The following PCBP3 variants were observed in gnomAD, a reference collection of about 807,000 sequenced individuals.
The protein encoded by PCBP3 is poly(rC) binding protein 3.
PCBP3 carries 25 observed loss-of-function variants against 52.7 expected under a neutral mutation model. The observed-to-expected ratio is 0.47, with a 90% CI of 0.35 to 0.66. The LOEUF is 0.66. Ranked by LOEUF, PCBP3 falls within the 30% of genes least tolerant of loss-of-function variation. The pLI is 0.01. For missense variants in PCBP3, 391 were observed against 490.3 expected, an observed-to-expected ratio of 0.80 and a Z score of 1.91; for synonymous variants, 162 against 183.0, an observed-to-expected ratio of 0.89 and a Z score of 0.93.
chr21:45,708,868 TC>T (rs2083634136), intron 2 of PCBP3, among the ~76,000 whole-genome samples: 4 of 152,240 alleles, frequency 2.6e-5, no homozygotes, highest in Admixed American at 6.5e-5. Flanking sequence ...TGTCCAGTTG[TC>T]CAGAAAGCTC....
chr21:45,867,528 C>G (rs2094793951), intron 5 of PCBP3, among the ~76,000 whole-genome samples: 1 of 152,230 alleles, frequency 6.6e-6, no homozygotes, highest in Non-Finnish European at 1.5e-5. Context: ...GTTATACATG[C>G]AAATATCCTT....
intron 2 of PCBP3, among the ~76,000 whole-genome samples, chr21:45,703,548 A>T (rs1209468139): frequency 2.0e-5 from 3 of 152,154 alleles, no homozygotes; most frequent in Non-Finnish European, 4.4e-5. Flanking sequence ...TTGGTCTTGA[A>T]GGGCCTTGGA....
chr21:45,678,197 T>G (rs532291362), intron 2 of PCBP3, among the ~76,000 whole-genome samples: 58 of 151,274 alleles, frequency 3.8e-4, no homozygotes, highest in African/African-American at 1.4e-3. Flanking sequence ...AAAAAATTAC[T>G]CGGGAGGCTG....
chr21:45,913,817 C>T (rs1396250777), intron 11 of PCBP3, 134 bp from the exon 12 acceptor site: 19 of 788,530 alleles, frequency 2.4e-5, no homozygotes, highest in Non-Finnish European at 3.7e-5. Context: ...AGCACTGCTG[C>T]GAAACTCGGG....
intron 1 of PCBP3, among the ~76,000 whole-genome samples, chr21:45,657,500 G>A (rs1185321768): frequency 1.3e-5 from 2 of 152,156 alleles, no homozygotes; most frequent in East Asian, 1.9e-4. Context: ...CTATTCCATG[G>A]ACCTATATGT....
At chr21:45,690,319 A>G (rs2082384221) in intron 2 of PCBP3, among the ~76,000 whole-genome samples, 1 of 152,164 alleles carries the variant, frequency 6.6e-6, no homozygotes, top group Non-Finnish European at 1.5e-5. Context: ...ACTGTATTCA[A>G]AATTAACCTG....
intron 5 of PCBP3, among the ~76,000 whole-genome samples, chr21:45,860,087 A>G (rs2839020): frequency 0.78 from 118,428 of 151,944 alleles, 46,742 homozygotes; most frequent in East Asian, 1. Context: ...GATGGGGTCT[A>G]ACCTCCTGGA....
chr21:45,891,995 G>C (rs530930675), intron 5 of PCBP3, among the ~76,000 whole-genome samples: 36 of 152,318 alleles, frequency 2.4e-4, no homozygotes, highest in Non-Finnish European at 3.2e-4. Flanking sequence ...ATCACCACAG[G>C]GTCAGAATCT....
chr21:45,923,422 C>CA (rs2074751971), intron 13 of PCBP3, among the ~76,000 whole-genome samples: 1 of 152,226 alleles, frequency 6.6e-6, no homozygotes, highest in Non-Finnish European at 1.5e-5. Context: ...ACAAGAGGCC[C>CA]AGGCAACCCT....
At chr21:45,768,251 G>C (rs962795511) in intron 4 of PCBP3, among the ~76,000 whole-genome samples, 1 of 152,244 alleles carries the variant, frequency 6.6e-6, no homozygotes, top group Admixed American at 6.5e-5. Flanking sequence ...CCCTGCGTGG[G>C]TGGCAGTGAG....
At chr21:45,657,162 A>G (rs2080076131) in intron 1 of PCBP3, among the ~76,000 whole-genome samples, 1 of 152,038 alleles carries the variant, frequency 6.6e-6, no homozygotes, top group Admixed American at 6.6e-5. Context: ...AATGATTTTT[A>G]TTTTGGTAAT....
chr21:45,749,827 A>T (rs529234443), intron 3 of PCBP3: 1 of 152,312 alleles, frequency 6.6e-6, no homozygotes, highest in East Asian at 1.9e-4. Context: ...GCACCCCAGT[A>T]TTTCCAGTCC....
intron 4 of PCBP3, among the ~76,000 whole-genome samples, chr21:45,832,963 G>A (rs975914434): frequency 7.9e-5 from 12 of 152,268 alleles, no homozygotes; most frequent in East Asian, 1.9e-4. Context: ...AGAACGGTAT[G>A]GTGGAAACTG....
At chr21:45,894,856 A>G (rs1458667903) in intron 5 of PCBP3, among the ~76,000 whole-genome samples, 2 of 152,270 alleles carry the variant, frequency 1.3e-5, no homozygotes, top group Non-Finnish European at 2.9e-5. Flanking sequence ...TGCAACGTGA[A>G]AATCCTTGTC....
At position 45,724,188 on chromosome 21, in the gene PCBP3, T is replaced by C. The variant is rs571360472; in HGVS notation, c.-199-11204T>C. 1.3e-5 allele frequency among the ~76,000 whole-genome samples: 2 copies of C among 152,334 alleles called. No homozygotes were observed. Among genetic ancestry groups the C allele is most frequent in the African/African-American group, 4.8e-5 (2 of 41,572 alleles). Reference sequence around the variant, plus strand: ...AGGTAAAAACATAGCATTTGCTCATTTTCCTTTATTGAGATCTGTTGAAGT... The same window carrying C: ...AGGTAAAAACATAGCATTTGCTCATCTTCCTTTATTGAGATCTGTTGAAGT... On this transcript the variant is annotated intron_variant, in intron 2 of 17. Transcript: ENST00000681687. The surrounding 1 kb of genome is among the most constrained non-coding windows in gnomAD (Gnocchi z 5.3).
At chr21:45,939,574 A>G (rs2149599049) in intron 16 of PCBP3, among the ~76,000 whole-genome samples, 1 of 152,334 alleles carries the variant, frequency 6.6e-6, no homozygotes, top group African/African-American at 2.4e-5. Context: ...CTTCTTGAGC[A>G]TTTGTGATGC....
chr21:45,796,992 A>T (rs895029537), intron 4 of PCBP3, among the ~76,000 whole-genome samples: 1 of 152,242 alleles, frequency 6.6e-6, no homozygotes, highest in Non-Finnish European at 1.5e-5. Flanking sequence ...GGGACAGGCC[A>T]TGGAGAATCA....
At chr21:45,911,990 G>A (rs747565928) in intron 11 of PCBP3, among the ~76,000 whole-genome samples, 13 of 152,358 alleles carry the variant, frequency 8.5e-5, no homozygotes, top group South Asian at 8.3e-4. Flanking sequence ...CCTGCGGGCC[G>A]AGGCTCAGGA....
At chr21:45,810,937 G>T (rs1489398265) in intron 4 of PCBP3, among the ~76,000 whole-genome samples, 1 of 152,092 alleles carries the variant, frequency 6.6e-6, no homozygotes, top group Non-Finnish European at 1.5e-5. Flanking sequence ...TACATATGTT[G>T]GTGTGAAGTT....
Sources: gnomAD v4.1 joint callset for allele counts (sites outside exome capture counted in the v4.1 genomes callset) on GRCh38, gnomAD v4.1.1 for gene constraint, Gnocchi (gnomAD v3.1) non-coding constraint, MANE v1.5 for transcripts, NCBI Gene and HGNC (gene_info 2026-07-23, HGNC 2026-07-21) for gene names.